Variants in HECW1 observed in about 807,000 individuals in gnomAD.
HECW1 encodes E3 ubiquitin-protein ligase HECW1.
HECW1 carries 61 observed loss-of-function variants against 182.3 expected under a neutral mutation model. The ratio of observed to expected loss-of-function variants is 0.33; its 90% CI spans 0.27 to 0.41. The LOEUF (loss-of-function observed/expected upper bound fraction) is 0.41, where lower values mean the gene tolerates loss of function less well. Ranked by LOEUF, HECW1 falls within the 10% of genes least tolerant of loss-of-function variation. The pLI is 1.00. For synonymous variants in HECW1, 859 were observed against 832.6 expected (o/e 1.03, Z -0.55); for missense variants, 1,739 against 2,108.9 (o/e 0.82, Z 3.44).
intron 24 of HECW1, among the ~76,000 whole-genome samples, chr7:43,525,922 C>A (rs1173551868): frequency 6.6e-6 from 1 of 152,174 alleles, no homozygotes; most frequent in East Asian, 1.9e-4. Flanking sequence ...CCCTACTATC[C>A]AGACTTCTAG....
At chr7:43,140,118 T>C (rs1788004916) in intron 2 of HECW1, among the ~76,000 whole-genome samples, 1 of 103,082 alleles carries the variant, frequency 9.7e-6, no homozygotes, top group Non-Finnish European at 2.0e-5. Context: ...TGATTATTTG[T>C]TTCATATTTT....
intron 2 of HECW1, among the ~76,000 whole-genome samples, chr7:43,228,245 G>A (rs1046989147): frequency 1.3e-5 from 2 of 152,076 alleles, no homozygotes; most frequent in African/African-American, 4.8e-5. Context: ...CAGCACTTTG[G>A]GAGGCCAAGG....
chr7:43,279,388 T>C (rs1274540885), intron 3 of HECW1, among the ~76,000 whole-genome samples: 2 of 152,142 alleles, frequency 1.3e-5, no homozygotes, highest in Non-Finnish European at 2.9e-5. Context: ...GGCCCTGCAC[T>C]TTCATCAGAT....
chr7:43,248,119 G>C (rs1228194396), intron 3 of HECW1, among the ~76,000 whole-genome samples: 2 of 151,958 alleles, frequency 1.3e-5, no homozygotes, highest in African/African-American at 4.8e-5. Flanking sequence ...ACAAAGGAGA[G>C]GAGGAGAGGT....
At chr7:43,489,359 A>ATATT (rs150151081) in intron 17 of HECW1, among the ~76,000 whole-genome samples, 78 of 152,308 alleles carry the variant, frequency 5.1e-4, no homozygotes, top group African/African-American at 1.6e-3. Flanking sequence ...AAGCCTTTAC[A>ATATT]TATTTATTTA....
chr7:43,513,184 A>G (rs1241837328), intron 24 of HECW1, among the ~76,000 whole-genome samples: 1 of 152,210 alleles, frequency 6.6e-6, no homozygotes, highest in Non-Finnish European at 1.5e-5. Flanking sequence ...TGCCATGTGC[A>G]ATTAATTGCT....
At chr7:43,163,772 C>T in intron 2 of HECW1, among the ~76,000 whole-genome samples, 1 of 152,158 alleles carries the variant, frequency 6.6e-6, no homozygotes, top group Non-Finnish European at 1.5e-5. Flanking sequence ...GGAACCCTCA[C>T]ATCTTGGGTC....
At chr7:43,359,075 C>T (rs1815531883) in intron 5 of HECW1, among the ~76,000 whole-genome samples, 1 of 152,154 alleles carries the variant, frequency 6.6e-6, no homozygotes, top group Non-Finnish European at 1.5e-5. Context: ...ATCCACCCAC[C>T]TCGGCCTCCC....
intron 7 of HECW1, among the ~76,000 whole-genome samples, chr7:43,399,906 T>C (rs1279607278): frequency 1.3e-5 from 2 of 152,182 alleles, no homozygotes; most frequent in Admixed American, 1.3e-4. Flanking sequence ...TATGTCTGCC[T>C]AGGACAAAAA....
intron 3 of HECW1, among the ~76,000 whole-genome samples, chr7:43,282,536 G>A (rs186964590): frequency 1.3e-5 from 2 of 152,148 alleles, no homozygotes; most frequent in East Asian, 1.9e-4. Flanking sequence ...AAGAGAGACC[G>A]AACATATGAT....
intron 3 of HECW1, among the ~76,000 whole-genome samples, chr7:43,253,585 C>T (rs542921197): frequency 3.9e-5 from 6 of 152,252 alleles, no homozygotes; most frequent in South Asian, 2.1e-4. Flanking sequence ...AGTTTTGTTC[C>T]GTGCCTTCAG....
chr7:43,450,326 T>C (rs1295822348), intron 11 of HECW1, among the ~76,000 whole-genome samples: 1 of 152,102 alleles, frequency 6.6e-6, no homozygotes, highest in Non-Finnish European at 1.5e-5. Flanking sequence ...CTTGGTACCA[T>C]CTAAGAGTTC....
At chr7:43,486,513 G>A (rs942278163) in intron 17 of HECW1, among the ~76,000 whole-genome samples, 19 of 152,166 alleles carry the variant, frequency 1.2e-4, no homozygotes, top group African/African-American at 3.4e-4. Flanking sequence ...GTGTTGGCCA[G>A]GCTGGTCTCA....
chr7:43,440,680 C>G (rs1003389790), intron 9 of HECW1: 8 of 152,206 alleles, frequency 5.3e-5, no homozygotes, highest in African/African-American at 1.9e-4. Flanking sequence ...TTTAGGCCTC[C>G]CCTGATTTCA....
chr7:43,345,732 C>T (rs1813590823), intron 5 of HECW1, among the ~76,000 whole-genome samples: 1 of 151,960 alleles, frequency 6.6e-6, no homozygotes, highest in Non-Finnish European at 1.5e-5. Context: ...AGTCTCCAGC[C>T]TCATCCAGAT....
intron 7 of HECW1, among the ~76,000 whole-genome samples, chr7:43,401,048 G>A (rs2075387907): frequency 6.6e-6 from 1 of 152,142 alleles, no homozygotes; most frequent in Admixed American, 6.5e-5. Flanking sequence ...GACAGTCCAG[G>A]ATAAATCTCT....
intron 2 of HECW1, among the ~76,000 whole-genome samples, chr7:43,217,342 C>T (rs925999697): frequency 6.6e-6 from 1 of 152,128 alleles, no homozygotes; most frequent in Non-Finnish European, 1.5e-5. Context: ...ACTTTGGGTT[C>T]CAGCTAAATG....
intron 24 of HECW1, among the ~76,000 whole-genome samples, chr7:43,515,915 A>G (rs142069039): frequency 6.6e-6 from 1 of 152,348 alleles, no homozygotes; most frequent in East Asian, 1.9e-4. Context: ...AAAGGTCCAA[A>G]TTTATTTTTA....
At chr7:43,285,141 ATATT>A (rs1359104699) in intron 3 of HECW1, among the ~76,000 whole-genome samples, 3 of 152,194 alleles carry the variant, frequency 2.0e-5, no homozygotes, top group Non-Finnish European at 2.9e-5. Flanking sequence ...TGCTAGGACA[ATATT>A]TATAGACACA....
Sources: gnomAD v4.1 joint callset for allele counts (sites outside exome capture counted in the v4.1 genomes callset) on GRCh38, gnomAD v4.1.1 for gene constraint, MANE v1.5 for transcripts, NCBI Gene and HGNC (gene_info 2026-07-23, HGNC 2026-07-21) for gene names.